MKLN1: variants seen among roughly 807,000 people sequenced by gnomAD.
The protein encoded by MKLN1 is muskelin.
In MKLN1, 18 loss-of-function variants were observed where a neutral mutation model predicts 99.0. The observed-to-expected ratio is 0.18, with a 90% CI of 0.13 to 0.27. The LOEUF (loss-of-function observed/expected upper bound fraction) is 0.27, where lower values mean the gene tolerates loss of function less well. Among genes scored for constraint, MKLN1 ranks in the 10% least tolerant of loss-of-function variants. The pLI is 1.00. For synonymous variants in MKLN1, 288 were observed against 293.2 expected (o/e 0.98, Z 0.18); for missense variants, 621 against 875.9 (o/e 0.71, Z 3.67).
At chr7:131,368,094 G>A (rs1267562976) in intron 1 of MKLN1, among the ~76,000 whole-genome samples, 1 of 152,106 alleles carries the variant, frequency 6.6e-6, no homozygotes, top group Non-Finnish European at 1.5e-5. Context: ...TATGGCAATA[G>A]GCTCTATTAC....
chr7:131,154,389 G>C (rs564357075), intron 2 of MKLN1, among the ~76,000 whole-genome samples: 1 of 152,248 alleles, frequency 6.6e-6, no homozygotes, highest in South Asian at 2.1e-4. Context: ...CCTAATTGTG[G>C]TAATTCTAAT....
intron 1 of MKLN1, among the ~76,000 whole-genome samples, chr7:131,339,513 A>G (rs536241509): frequency 1.3e-5 from 2 of 152,106 alleles, no homozygotes; most frequent in African/African-American, 4.8e-5. Flanking sequence ...AGCCTGGCCA[A>G]CATAGTGAAA....
intron 3 of MKLN1, among the ~76,000 whole-genome samples, chr7:131,256,339 A>C (rs1797657725): frequency 6.6e-6 from 1 of 152,242 alleles, no homozygotes; most frequent in Admixed American, 6.5e-5. Context: ...CTTCAGGTGG[A>C]ATTCAAGTGA....
chr7:131,315,857 C>G (rs1798658100), intron 3 of MKLN1, among the ~76,000 whole-genome samples: 1 of 152,224 alleles, frequency 6.6e-6, no homozygotes, highest in Non-Finnish European at 1.5e-5. Context: ...TTCCTCCTCA[C>G]TGGGCAGGGC....
intron 2 of MKLN1, among the ~76,000 whole-genome samples, chr7:131,145,926 C>T (rs1194137506): frequency 6.6e-6 from 1 of 152,172 alleles, no homozygotes; most frequent in Admixed American, 6.5e-5. Context: ...AGTTCAAACA[C>T]TAGAGTGAGG....
At chr7:131,324,484 T>C (rs1244351400), upstream of MKLN1, 1 of 152,176 alleles carries the variant, frequency 6.6e-6, no homozygotes, top group African/African-American at 2.4e-5. Context: ...TGGGCCAAGC[T>C]TGATGACTGC....
rs1475580367 is a variant in MKLN1, at chr7:131,322,023, A to G, written c.-178-53401A>G. On this transcript the variant is annotated intron_variant, in intron 3 of 7. Coordinates refer to the MKLN1 transcript ENST00000416992. ...TAACAATTGGTATCCCAAAAGGTTA[A>G]GAATCATACAATACTTTAAAACAAA... 4.6e-5 allele frequency among the ~76,000 whole-genome samples: 7 copies of G among 152,268 alleles called. No homozygotes were observed. In the East Asian group the frequency reaches 1.3e-3, roughly 29 times the overall value.
chr7:131,453,509 C>T (rs1796246533), intron 12 of MKLN1, among the ~76,000 whole-genome samples: 3 of 152,032 alleles, frequency 2.0e-5, no homozygotes, highest in Admixed American at 1.3e-4. Context: ...TGGGCAACGG[C>T]AAGACTCTTT....
At chr7:131,366,960 C>T (rs1181488523) in intron 1 of MKLN1, among the ~76,000 whole-genome samples, 13 of 152,040 alleles carry the variant, frequency 8.6e-5, no homozygotes, top group Non-Finnish European at 1.8e-4. Flanking sequence ...GAATTGTAAT[C>T]GTTTGTTACT....
chr7:131,343,234 A>G (rs1305365965), intron 1 of MKLN1, among the ~76,000 whole-genome samples: 2 of 152,182 alleles, frequency 1.3e-5, no homozygotes, highest in African/African-American at 4.8e-5. Context: ...CATCAGCTCC[A>G]ATTTAGGAGA....
At chr7:131,385,752 T>A (rs1793993185) in intron 2 of MKLN1, among the ~76,000 whole-genome samples, 1 of 152,176 alleles carries the variant, frequency 6.6e-6, no homozygotes, top group Non-Finnish European at 1.5e-5. Context: ...GGGGCATTTT[T>A]AATATATTCC....
Position 131,489,560 on chromosome 7 carries a change from A to G in MKLN1, c.*1832A>G, listed in dbSNP as rs1282172921. Reference sequence around the variant, plus strand: ...TCTTTTGTGGAGACAGGTGCAAATCAGAAGATTGACAAGGAAGAACTTGAG... The same window carrying G: ...TCTTTTGTGGAGACAGGTGCAAATCGGAAGATTGACAAGGAAGAACTTGAG... On this transcript the variant is annotated 3_prime_UTR_variant, in exon 18 of 18. Coordinates refer to ENST00000352689, the MANE Select transcript of MKLN1 (RefSeq NM_013255.5). The G allele has an allele frequency of 6.6e-6, 1 of 152,190 alleles. No homozygotes were observed. Among genetic ancestry groups the G allele is most frequent in the Non-Finnish European group, 1.5e-5 (1 of 68,024 alleles). The allele number at this position is 152,190 out of a possible 1,614,324, so 9.4% of individuals were successfully genotyped here. A position where few individuals can be genotyped will look rare whatever the true frequency, so the allele number is the denominator to read the frequency against.
Position 131,444,127 on chromosome 7 carries a change from A to G in MKLN1, c.1395+425A>G, listed in dbSNP as rs911914236. On this transcript the variant is annotated intron_variant, in intron 11 of 17. Coordinates refer to ENST00000352689, the MANE Select transcript of MKLN1 (RefSeq NM_013255.5). ...TATCAGCAATGGTCAGGAGCAGTGG[A>G]TCACTTGATTCCAGAAGTTTGAGAC... is the stretch of plus-strand genomic sequence containing the variant. Among the ~76,000 whole-genome samples the G allele has an allele frequency of 1.4e-4, 21 of 152,150 alleles. 1 individual carries two copies. Among genetic ancestry groups the G allele is most frequent in the African/African-American group, 5.1e-4 (21 of 41,572 alleles).
At chr7:131,300,257 C>G (rs561953429) in intron 3 of MKLN1, among the ~76,000 whole-genome samples, 1 of 151,032 alleles carries the variant, frequency 6.6e-6, no homozygotes, top group African/African-American at 2.4e-5. Flanking sequence ...ATGACAATGA[C>G]GAGGTTGGAG....
intron 2 of MKLN1, among the ~76,000 whole-genome samples, chr7:131,381,449 A>G (rs984601295): frequency 1.3e-5 from 2 of 152,236 alleles, no homozygotes; most frequent in Non-Finnish European, 1.5e-5. Flanking sequence ...ATTAACAGCA[A>G]TGTTTTCTCA....
intron 2 of MKLN1, among the ~76,000 whole-genome samples, chr7:131,156,951 A>G (rs1211099008): frequency 6.6e-6 from 1 of 152,172 alleles, no homozygotes; most frequent in Non-Finnish European, 1.5e-5. Context: ...CAAGATTTGA[A>G]CCTAGGCAGT....
At chr7:131,247,527 A>G (rs571194384) in intron 3 of MKLN1, among the ~76,000 whole-genome samples, 4 of 152,084 alleles carry the variant, frequency 2.6e-5, no homozygotes, top group African/African-American at 4.8e-5. Context: ...TGAGAGCTTT[A>G]TATGTGTGAA....
At chr7:131,408,571 T>A (rs1310099951) in intron 6 of MKLN1, among the ~76,000 whole-genome samples, 2 of 152,164 alleles carry the variant, frequency 1.3e-5, no homozygotes, top group Non-Finnish European at 2.9e-5. Flanking sequence ...GATTTGAAAT[T>A]TTTTCCCCTT....
At chr7:131,240,223 T>TC (rs1234078821) in intron 3 of MKLN1, among the ~76,000 whole-genome samples, 2 of 149,778 alleles carry the variant, frequency 1.3e-5, no homozygotes, top group South Asian at 2.1e-4. Flanking sequence ...TAAGTAAAGT[T>TC]CCCCCCCGCC....
Sources: allele counts gnomAD v4.1 joint callset (sites outside exome capture counted in the v4.1 genomes callset), GRCh38; gene constraint gnomAD v4.1.1; transcripts MANE v1.5; gene names NCBI Gene and HGNC (gene_info 2026-07-23, HGNC 2026-07-21).